CBLB: variants seen among roughly 807,000 people sequenced by gnomAD.
CBLB encodes the protein Cbl proto-oncogene B, also known as E3 ubiquitin-protein ligase CBL-B.
CBLB carries 31 observed loss-of-function variants against 104.9 expected under a neutral mutation model. That is an observed-to-expected ratio of 0.30 (90% CI 0.22 to 0.40). The LOEUF is 0.40. CBLB is among the 10% of genes least tolerant of loss of function. The pLI, the probability that CBLB is intolerant of heterozygous loss-of-function variation, is 1.00. For synonymous variants in CBLB, 440 were observed against 422.6 expected, an observed-to-expected ratio of 1.04 and a Z score of -0.51; for missense variants, 1,062 against 1,214.6, an observed-to-expected ratio of 0.87 and a Z score of 1.87.
intron 3 of CBLB, among the ~76,000 whole-genome samples, chr3:105,838,215 C>G (rs1023702207): frequency 1.4e-5 from 2 of 143,840 alleles, no homozygotes; most frequent in African/African-American, 2.6e-5. Flanking sequence ...TCCAGAGTAG[C>G]TGGGACCACA....
intron 2 of CBLB, among the ~76,000 whole-genome samples, chr3:105,861,600 G>A (rs186231356): frequency 5.4e-4 from 81 of 150,516 alleles, no homozygotes; most frequent in African/African-American, 1.9e-3. Context: ...TTGCATCTTA[G>A]GCCATTCCCT....
chr3:105,817,352 A>T (rs2153050133), intron 3 of CBLB, among the ~76,000 whole-genome samples: 1 of 152,160 alleles, frequency 6.6e-6, no homozygotes, highest in South Asian at 2.1e-4. Context: ...ATTATTTTTA[A>T]GGGAGAGGAG....
At chr3:105,788,410 A>T (rs1374831421) in intron 3 of CBLB, among the ~76,000 whole-genome samples, 1 of 152,172 alleles carries the variant, frequency 6.6e-6, no homozygotes, top group East Asian at 1.9e-4. Flanking sequence ...CATGTAAAAT[A>T]CACTAACACT....
chr3:105,856,647 C>G (rs2091648453), intron 2 of CBLB, among the ~76,000 whole-genome samples: 2 of 151,800 alleles, frequency 1.3e-5, no homozygotes, highest in South Asian at 4.1e-4. Context: ...CAATTGAACT[C>G]TAAAGTATCA....
At chr3:105,679,840 A>T (rs1328076926) in intron 16 of CBLB, among the ~76,000 whole-genome samples, 2 of 152,154 alleles carry the variant, frequency 1.3e-5, no homozygotes, top group African/African-American at 2.4e-5. Context: ...TAATTTCTTT[A>T]ATCATATTTT....
intron 3 of CBLB, among the ~76,000 whole-genome samples, chr3:105,844,104 CTG>C (rs2089929098): frequency 6.6e-6 from 1 of 152,188 alleles, no homozygotes; most frequent in African/African-American, 2.4e-5. Context: ...ACAGAGAACA[CTG>C]TGTGATGACA....
intron 16 of CBLB, among the ~76,000 whole-genome samples, chr3:105,679,582 C>T (rs1010379868): frequency 3.3e-5 from 5 of 151,990 alleles, no homozygotes; most frequent in African/African-American, 4.8e-5. Flanking sequence ...TCTAGACCAT[C>T]CTGGCCAACA....
At chr3:105,787,314 G>A (rs1351892253) in intron 3 of CBLB, among the ~76,000 whole-genome samples, 1 of 152,152 alleles carries the variant, frequency 6.6e-6, no homozygotes, top group Non-Finnish European at 1.5e-5. Context: ...GGCTAATTAA[G>A]GAAATACTGG....
At chr3:105,775,198 T>C (rs1028118160) in intron 4 of CBLB, among the ~76,000 whole-genome samples, 7 of 152,188 alleles carry the variant, frequency 4.6e-5, no homozygotes, top group African/African-American at 7.2e-5. Context: ...TTTTCTCCTT[T>C]AGTGCCTAAA....
chr3:105,695,879 C>T (rs918794779), intron 12 of CBLB, among the ~76,000 whole-genome samples: 2 of 151,664 alleles, frequency 1.3e-5, no homozygotes, highest in Admixed American at 1.3e-4. Flanking sequence ...CCTTACAGTG[C>T]TTTACACACA....
chr3:105,834,573 A>G (rs1028068974), intron 3 of CBLB, among the ~76,000 whole-genome samples: 1 of 152,064 alleles, frequency 6.6e-6, no homozygotes, highest in African/African-American at 2.4e-5. Flanking sequence ...GGAGAATGGC[A>G]TGAACCAGGG....
At chr3:105,681,458 A>T in intron 16 of CBLB, 21 bp downstream of exon 16, 1 of 1,613,572 alleles carries the variant, frequency 6.2e-7, no homozygotes, top group Non-Finnish European at 8.5e-7. Flanking sequence ...GGTTGTTCAA[A>T]ACTTTTTTAA....
chr3:105,826,454 A>G (rs1045973726), intron 3 of CBLB, among the ~76,000 whole-genome samples: 1 of 152,210 alleles, frequency 6.6e-6, no homozygotes, highest in Admixed American at 6.5e-5. Context: ...CAGACAAACT[A>G]TATTAGACTA....
intron 13 of CBLB, among the ~76,000 whole-genome samples, chr3:105,691,870 T>C (rs1206207631): frequency 6.6e-6 from 1 of 152,208 alleles, no homozygotes; most frequent in Non-Finnish European, 1.5e-5. Flanking sequence ...TTCCCAATTG[T>C]GCCTGTACTT....
At chr3:105,702,647 TA>T (rs2069402698) in intron 11 of CBLB, among the ~76,000 whole-genome samples, 188 bp from the exon 12 acceptor site, 1 of 151,958 alleles carries the variant, frequency 6.6e-6, no homozygotes, top group African/African-American at 2.4e-5. Context: ...TAAATGAGAA[TA>T]AAAAACTCAT....
intron 4 of CBLB, among the ~76,000 whole-genome samples, chr3:105,763,851 G>A (rs2077932507): frequency 6.6e-6 from 1 of 152,222 alleles, no homozygotes; most frequent in Non-Finnish European, 1.5e-5. Flanking sequence ...CTGGGTCAGA[G>A]TCAAAGGACT....
intron 10 of CBLB, among the ~76,000 whole-genome samples, chr3:105,714,215 T>G (rs1200886312): frequency 6.6e-6 from 1 of 152,170 alleles, no homozygotes; most frequent in Non-Finnish European, 1.5e-5. Context: ...AGGAATACTA[T>G]GCAGCAGCAG....
At chr3:105,720,300 C>T in intron 9 of CBLB, 50 bp from the exon 10 acceptor site, 1 of 1,484,530 alleles carries the variant, frequency 6.7e-7, no homozygotes, top group Non-Finnish European at 9.3e-7. Context: ...ATAAACAGTA[C>T]CGAGAAATGC....
At chr3:105,766,116 GGAA>G (rs1276471955) in intron 4 of CBLB, among the ~76,000 whole-genome samples, 1 of 152,154 alleles carries the variant, frequency 6.6e-6, no homozygotes, top group African/African-American at 2.4e-5. Flanking sequence ...AGACTTCAGT[GGAA>G]GAAGTAACTG....
Sources: allele counts gnomAD v4.1 joint callset (sites outside exome capture counted in the v4.1 genomes callset), GRCh38; gene constraint gnomAD v4.1.1; transcripts MANE v1.5; gene names NCBI Gene and HGNC (gene_info 2026-07-23, HGNC 2026-07-21).